The following TBK1 variants were observed in gnomAD, a reference collection of about 807,000 sequenced individuals.
The protein encoded by TBK1 is serine/threonine-protein kinase TBK1.
Under a neutral mutation model 99.9 loss-of-function variants are expected in TBK1, and 37 were observed. The observed-to-expected ratio is 0.37, with a 90% CI of 0.28 to 0.49. TBK1 has a LOEUF of 0.49. Among genes scored for constraint, TBK1 ranks in the 20% least tolerant of loss-of-function variants. The pLI, the probability that TBK1 is intolerant of heterozygous loss-of-function variation, is 0.98. For synonymous variants in TBK1, 258 were observed against 279.8 expected (o/e 0.92, Z 0.78); for missense variants, 644 against 872.5 (o/e 0.74, Z 3.30).
At chr12:64,460,852 G>A (rs1036367001) in intron 3 of TBK1, among the ~76,000 whole-genome samples, 198 of 142,256 alleles carry the variant, frequency 1.4e-3, no homozygotes, top group African/African-American at 4.1e-3. Context: ...AAAAAAAAAA[G>A]AAAGGATCAT....
intron 7 of TBK1, among the ~76,000 whole-genome samples, 184 bp downstream of exon 7, chr12:64,480,306 A>G (rs2040757132): frequency 1.3e-5 from 2 of 152,224 alleles, no homozygotes; most frequent in African/African-American, 4.8e-5. Context: ...ATTCTCTGCT[A>G]TATGAATAAT....
At chr12:64,459,241 A>C (rs1267770535) in intron 2 of TBK1, among the ~76,000 whole-genome samples, 1 of 152,186 alleles carries the variant, frequency 6.6e-6, no homozygotes, top group Admixed American at 6.5e-5. Flanking sequence ...TAAATGGGGG[A>C]AAATGTAAGG....
chr12:64,453,320 T>C (rs1036643365), intron 1 of TBK1, among the ~76,000 whole-genome samples: 1 of 152,354 alleles, frequency 6.6e-6, no homozygotes, highest in East Asian at 1.9e-4. Flanking sequence ...TACATACATA[T>C]AGGTACCTAA....
chr12:64,488,361 T>A, intron 11 of TBK1, 126 bp from the exon 12 acceptor site: 1 of 527,968 alleles, frequency 1.9e-6, no homozygotes, highest in Non-Finnish European at 3.3e-6. Flanking sequence ...TCAAAAAGTG[T>A]GAATTGATGA....
chr12:64,487,070 T>A (rs2040827386), intron 11 of TBK1, among the ~76,000 whole-genome samples: 1 of 152,268 alleles, frequency 6.6e-6, no homozygotes, highest in Non-Finnish European at 1.5e-5. Context: ...CTAGTTTAAG[T>A]AGTTTCTTCC....
At chr12:64,452,305 G>C (rs914566469) in intron 1 of TBK1, 118 bp downstream of exon 1, 1 of 152,680 alleles carries the variant, frequency 6.5e-6, no homozygotes, top group African/African-American at 2.4e-5. Flanking sequence ...TGCTGAGTCA[G>C]AGCGGGGGCG....
chr12:64,456,039 A>T (rs534457258), intron 2 of TBK1, 82 bp downstream of exon 2: 2 of 1,003,248 alleles, frequency 2.0e-6, no homozygotes, highest in African/African-American at 3.3e-5. Flanking sequence ...AAAGTGTGTG[A>T]CTTGGTGATT....
chr12:64,463,513 A>T (rs2040570944), intron 3 of TBK1, among the ~76,000 whole-genome samples: 1 of 152,080 alleles, frequency 6.6e-6, no homozygotes, highest in African/African-American at 2.4e-5. Flanking sequence ...AGCCTGGGCA[A>T]CATAGTGAGA....
chr12:64,495,665 A>G (rs368001046), intron 14 of TBK1, 34 bp from the exon 15 acceptor site: 9 of 1,612,328 alleles, frequency 5.6e-6, no homozygotes, highest in Non-Finnish European at 6.8e-6. Flanking sequence ...ACATTGACTC[A>G]GTTAATTTAT....
rs1415517385 is a variant in TBK1 at position 64,501,942 on chromosome 12, C to T, written c.*561C>T. 2 of 152,580 alleles carry T rather than the reference C, an allele frequency of 1.3e-5. No individual in the cohort carries two copies. Among genetic ancestry groups the T allele is most frequent in the Non-Finnish European group, 2.9e-5 (2 of 68,040 alleles). 9.5% of individuals were successfully genotyped at this position (152,580 alleles called of 1,614,324 possible). A position where few individuals can be genotyped will look rare whatever the true frequency, so the allele number is the denominator to read the frequency against. On this transcript the variant is annotated 3_prime_UTR_variant, in exon 21 of 21. Transcript: ENST00000331710. ...ATGTAATTTCAGATGAATTATTAAG[C>T]AAACATTTTAAAGTGAATTCATTAT... is the stretch of plus-strand genomic sequence containing the variant.
intron 1 of TBK1, among the ~76,000 whole-genome samples, chr12:64,455,326 T>C (rs2040475271): frequency 6.6e-6 from 1 of 152,170 alleles, no homozygotes; most frequent in Non-Finnish European, 1.5e-5. Flanking sequence ...TATTTTATTA[T>C]AGTATGTATA....
intron 6 of TBK1, among the ~76,000 whole-genome samples, chr12:64,478,480 G>C (rs2040737016): frequency 6.6e-6 from 1 of 152,234 alleles, no homozygotes. Flanking sequence ...AAGCAAACCT[G>C]ACTTAAAGTA....
At chr12:64,486,500 T>TCA (rs2136079882) in intron 11 of TBK1, among the ~76,000 whole-genome samples, 1 of 151,830 alleles carries the variant, frequency 6.6e-6, no homozygotes, top group South Asian at 2.1e-4. Context: ...AGTGGCACAA[T>TCA]CACAGATCAC....
chr12:64,481,154 T>A (rs1468744484), intron 7 of TBK1, among the ~76,000 whole-genome samples: 1 of 152,174 alleles, frequency 6.6e-6, no homozygotes, highest in African/African-American at 2.4e-5. Flanking sequence ...TGTGTTAAAT[T>A]TTTATTTAGG....
chr12:64,453,897 G>T (rs1472556421), intron 1 of TBK1, among the ~76,000 whole-genome samples: 1 of 152,128 alleles, frequency 6.6e-6, no homozygotes, highest in Non-Finnish European at 1.5e-5. Context: ...GGAGGTTGGA[G>T]AAACTATCCT....
At chr12:64,476,150 CTTTTTTTTTTTT>C (rs59104364) in intron 6 of TBK1, among the ~76,000 whole-genome samples, 4 of 51,864 alleles carry the variant, frequency 7.7e-5, no homozygotes, top group Non-Finnish European at 1.4e-4. Context: ...GCGTAGTCTT[CTTTTTTTTTTTT>C]TTTTTTTTTT....
chr12:64,476,150 CTTTTTTTTTTT>C (rs59104364), intron 6 of TBK1, among the ~76,000 whole-genome samples: 1 of 51,862 alleles, frequency 1.9e-5, no homozygotes, highest in Middle Eastern at 0.022. Flanking sequence ...GCGTAGTCTT[CTTTTTTTTTTT>C]TTTTTTTTTT....
intron 1 of TBK1, among the ~76,000 whole-genome samples, chr12:64,455,112 G>A (rs948693738): frequency 6.6e-6 from 1 of 150,526 alleles, no homozygotes; most frequent in East Asian, 2.0e-4. Context: ...GCAGCCTCCC[G>A]AGTAGCTGGG....
rs566611152 is a variant in TBK1, at chr12:64,490,061, T to A, written c.1463T>A (p.Ile488Asn). Residue 488 changes from isoleucine (I) to asparagine (N), a missense_variant, in exon 13 of 21, where the codon ATC becomes AAC. Around this residue, in one of 3 missense-constraint regions of TBK1, gnomAD observed 465 missense variants for 588.0 expected, o/e 0.79. Transcript: ENST00000331710. ...TACAGATATGAAAAGTTGATGAAGA[T>A]CAACCTGGAAGCGGCAGAGTTAGGT... ...TVKVYEKLMK[I>N]NLEAAELGEI... is the part of the protein sequence containing the mutation. 8.7e-6 allele frequency: 14 copies of A among 1,609,448 alleles called. No homozygotes were observed. In the South Asian group the frequency reaches 1.4e-4, roughly 17 times the overall value.
Sources: gnomAD v4.1 joint callset for allele counts (sites outside exome capture counted in the v4.1 genomes callset) on GRCh38, gnomAD v4.1.1 for gene constraint, gnomAD v4.1.1 regional missense constraint, MANE v1.5 for transcripts, NCBI Gene and HGNC (gene_info 2026-07-23, HGNC 2026-07-21) for gene names.